Variants in GALNT11 observed in about 807,000 individuals in gnomAD.
GALNT11 encodes the protein UDP-GalNAc:polypeptide N-acetylgalactosaminyltransferase 11.
Under a neutral mutation model 72.7 loss-of-function variants are expected in GALNT11, and 47 were observed. The ratio of observed to expected loss-of-function variants is 0.65; its 90% CI spans 0.51 to 0.82. The LOEUF (loss-of-function observed/expected upper bound fraction) is 0.82, where lower values mean the gene tolerates loss of function less well. GALNT11 is among the 40% of genes least tolerant of loss of function. GALNT11 has a pLI of 0.00. For synonymous variants in GALNT11, 270 were observed against 286.6 expected (o/e 0.94, Z 0.58); for missense variants, 677 against 778.4 (o/e 0.87, Z 1.55).
chr7:152,062,323 A>G (rs994162340), intron 1 of GALNT11, among the ~76,000 whole-genome samples: 2 of 152,180 alleles, frequency 1.3e-5, no homozygotes, highest in Non-Finnish European at 2.9e-5. Flanking sequence ...TTTGTATCCT[A>G]AGACTTTGCT....
At chr7:152,058,830 G>T (rs1353222921) in intron 1 of GALNT11, among the ~76,000 whole-genome samples, 1 of 152,186 alleles carries the variant, frequency 6.6e-6, no homozygotes, top group Non-Finnish European at 1.5e-5. Context: ...CGTTTCAACA[G>T]TGTTCACAGC....
chr7:152,062,597 T>A (rs1190243767), intron 1 of GALNT11, among the ~76,000 whole-genome samples: 1 of 152,206 alleles, frequency 6.6e-6, no homozygotes, highest in African/African-American at 2.4e-5. Flanking sequence ...ATATTGGCTG[T>A]GGGTTTGTCA....
At chr7:152,026,088 C>T (rs936836222) in intron 1 of GALNT11, among the ~76,000 whole-genome samples, 1 of 152,108 alleles carries the variant, frequency 6.6e-6, no homozygotes, top group African/African-American at 2.4e-5. Flanking sequence ...CCCAGCGTCT[C>T]CTGAGGCTTG....
chr7:152,078,208 T>C (rs1174433113), intron 1 of GALNT11, among the ~76,000 whole-genome samples: 1 of 152,040 alleles, frequency 6.6e-6, no homozygotes, highest in African/African-American at 2.4e-5. Context: ...GTAGAAGGAA[T>C]ATTTGTTTTT....
chr7:152,067,021 AAAAC>A (rs369393423), intron 1 of GALNT11, among the ~76,000 whole-genome samples: 53 of 152,370 alleles, frequency 3.5e-4, no homozygotes, highest in African/African-American at 1.1e-3. Flanking sequence ...TTCAATTTGT[AAAAC>A]AAACAAACAA....
At chr7:152,026,280 G>A (rs2082009475) in intron 1 of GALNT11, among the ~76,000 whole-genome samples, 1 of 152,220 alleles carries the variant, frequency 6.6e-6, no homozygotes, top group African/African-American at 2.4e-5. Context: ...ACAAAACTAG[G>A]GAGAATAGTG....
chr7:152,112,315 C>G (rs1343630741), intron 7 of GALNT11, among the ~76,000 whole-genome samples: 1 of 152,152 alleles, frequency 6.6e-6, no homozygotes, highest in East Asian at 1.9e-4. Context: ...CCAAGGTGGG[C>G]TGATCCTGAG....
At chr7:152,048,900 A>G (rs2083269282) in intron 1 of GALNT11, among the ~76,000 whole-genome samples, 1 of 150,944 alleles carries the variant, frequency 6.6e-6, no homozygotes. Flanking sequence ...TGATCTGTTC[A>G]GCTGTTAAGA....
intron 1 of GALNT11, among the ~76,000 whole-genome samples, chr7:152,080,620 C>T (rs2085264082): frequency 6.6e-6 from 1 of 151,954 alleles, no homozygotes; most frequent in Admixed American, 6.6e-5. Context: ...TTCCTTTTTG[C>T]TTGTCTGTGT....
intron 7 of GALNT11, among the ~76,000 whole-genome samples, chr7:152,111,883 A>T (rs2088257615): frequency 6.6e-6 from 1 of 152,196 alleles, no homozygotes; most frequent in Admixed American, 6.5e-5. Flanking sequence ...GAAACAGCTC[A>T]GTTTGATGCT....
chr7:152,036,638 A>AT lies in GALNT11; in HGVS notation c.-39+10759dup, dbSNP rs1364223345. ...GATTGCTGAGTCACGTGGTAGCTCT[A>AT]TTTTTAGTTTTTGGGGATCCTCCAA... On this transcript the variant is annotated intron_variant, in intron 1 of 11. Coordinates refer to ENST00000430044, the MANE Select transcript of GALNT11 (RefSeq NM_022087.4). Among the ~76,000 whole-genome samples, 5 of 152,180 alleles carry AT rather than the reference A, an allele frequency of 3.3e-5. No homozygotes were observed. The East Asian group carries it at 7.7e-4, about 23-fold the overall frequency.
At chr7:152,055,275 A>T (rs901367397) in intron 1 of GALNT11, among the ~76,000 whole-genome samples, 4 of 152,216 alleles carry the variant, frequency 2.6e-5, no homozygotes, top group African/African-American at 9.6e-5. Flanking sequence ...ATCCCATAAA[A>T]GATGCCAAAT....
intron 1 of GALNT11, among the ~76,000 whole-genome samples, chr7:152,028,214 T>C (rs1273642122): frequency 3.3e-5 from 5 of 152,210 alleles, no homozygotes; most frequent in African/African-American, 1.2e-4. Context: ...TTCCCTTATT[T>C]GGCCCCACCC....
At chr7:152,120,771 C>T in intron 10 of GALNT11, 60 bp from the exon 11 acceptor site, 1 of 1,387,116 alleles carries the variant, frequency 7.2e-7, no homozygotes, top group South Asian at 1.2e-5. Flanking sequence ...GAAGAATATG[C>T]AAAGTGTTGT....
chr7:152,043,746 T>G (rs551664272), intron 1 of GALNT11, among the ~76,000 whole-genome samples: 1 of 152,042 alleles, frequency 6.6e-6, no homozygotes, highest in Non-Finnish European at 1.5e-5. Flanking sequence ...AATGAGGGGG[T>G]ACAGAAGGGT....
At chr7:152,112,081 G>A (rs1293922431) in intron 7 of GALNT11, among the ~76,000 whole-genome samples, 3 of 135,654 alleles carry the variant, frequency 2.2e-5, no homozygotes, top group Non-Finnish European at 3.4e-5. Flanking sequence ...AAGGCAGAAA[G>A]AGGGCGAGGG....
At chr7:152,092,435 G>A (rs1301229250) in intron 1 of GALNT11, among the ~76,000 whole-genome samples, 1 of 152,086 alleles carries the variant, frequency 6.6e-6, no homozygotes, top group Non-Finnish European at 1.5e-5. Context: ...TTTCACTGGC[G>A]CCTGATTTTC....
chr7:152,101,656 T>TGGGG (rs2086916140), intron 3 of GALNT11, among the ~76,000 whole-genome samples: 1 of 123,418 alleles, frequency 8.1e-6, no homozygotes, highest in African/African-American at 3.2e-5. Flanking sequence ...GGGGGGGGGA[T>TGGGG]GGAGTCTTTC....
intron 1 of GALNT11, among the ~76,000 whole-genome samples, chr7:152,090,187 C>T (rs1367724155): frequency 6.6e-6 from 1 of 152,152 alleles, no homozygotes. Context: ...CCAGGAGTGA[C>T]CAGGGACAGT....
Sources: gnomAD v4.1 joint callset for allele counts (sites outside exome capture counted in the v4.1 genomes callset) on GRCh38, gnomAD v4.1.1 for gene constraint, MANE v1.5 for transcripts, NCBI Gene and HGNC (gene_info 2026-07-23, HGNC 2026-07-21) for gene names.